STK32A: variants seen among roughly 807,000 people sequenced by gnomAD.
STK32A encodes the protein serine/threonine kinase 32A, also known as serine/threonine-protein kinase 32A.
In STK32A, 41 loss-of-function variants were observed where a neutral mutation model predicts 53.2. The observed-to-expected ratio is 0.77, with a 90% CI of 0.60 to 1.00. STK32A has a LOEUF of 1.00. STK32A is among the 50% of genes least tolerant of loss of function. The pLI, the probability that STK32A is intolerant of heterozygous loss-of-function variation, is 0.00. For missense variants in STK32A, 458 were observed against 485.8 expected, an observed-to-expected ratio of 0.94 and a Z score of 0.54; for synonymous variants, 166 against 162.8, an observed-to-expected ratio of 1.02 and a Z score of -0.15.
chr5:147,275,815 T>G (rs527609170), intron 2 of STK32A, among the ~76,000 whole-genome samples: 14 of 152,286 alleles, frequency 9.2e-5, no homozygotes, highest in Admixed American at 5.9e-4. Flanking sequence ...AGGTCACATT[T>G]AGTTAAAGCA....
downstream of STK32A, chr5:147,391,747 G>A (rs1362646640): frequency 1.3e-5 from 2 of 152,194 alleles, no homozygotes; most frequent in African/African-American, 4.8e-5. Context: ...TGGAGAGTTA[G>A]TAATGGTAAG....
chr5:147,237,592 G>C (rs1753376931), intron 1 of STK32A, among the ~76,000 whole-genome samples: 1 of 152,022 alleles, frequency 6.6e-6, no homozygotes, highest in Admixed American at 6.6e-5. Context: ...TAATTCCACT[G>C]AGCTTCCATC....
Position 147,278,707 on chromosome 5 carries a change from T to C in STK32A, c.108+528T>C, listed in dbSNP as rs572956613. On this transcript the variant is annotated intron_variant, in intron 3 of 12. Coordinates refer to ENST00000397936, the MANE Select transcript of STK32A (RefSeq NM_001112724.2). ...ATGGAGACATACTTTAAGAGAATAA[T>C]ATTTCATATAAAACTTGCATTTTAA... 3.9e-5 allele frequency among the ~76,000 whole-genome samples: 6 copies of C among 152,346 alleles called. No individual in the cohort carries two copies. The South Asian group carries it at 1.2e-3, about 32-fold the overall frequency.
At chr5:147,244,447 C>T (rs1183685341) in intron 2 of STK32A, among the ~76,000 whole-genome samples, 4 of 152,138 alleles carry the variant, frequency 2.6e-5, no homozygotes, top group African/African-American at 9.7e-5. Context: ...TCTGAGGAAC[C>T]ATCATACTGT....
At chr5:147,241,107 A>G (rs1753551839) in intron 2 of STK32A, among the ~76,000 whole-genome samples, 1 of 152,218 alleles carries the variant, frequency 6.6e-6, no homozygotes, top group East Asian at 1.9e-4. Context: ...GGAGTTTGTC[A>G]TGATTGGGGA....
intron 5 of STK32A, among the ~76,000 whole-genome samples, chr5:147,331,582 C>T (rs947751085): frequency 6.6e-6 from 1 of 152,110 alleles, no homozygotes; most frequent in Non-Finnish European, 1.5e-5. Flanking sequence ...ATTTGTGCTC[C>T]CTCAGAAAGA....
intron 11 of STK32A, among the ~76,000 whole-genome samples, chr5:147,378,958 G>A (rs889897492): frequency 1.4e-5 from 2 of 139,448 alleles, no homozygotes; most frequent in African/African-American, 2.6e-5. Flanking sequence ...TTCTAATTCT[G>A]TGAAGAATGC....
At chr5:147,293,561 TA>T (rs1180122350) in intron 4 of STK32A, among the ~76,000 whole-genome samples, 34 of 150,454 alleles carry the variant, frequency 2.3e-4, no homozygotes, top group African/African-American at 8.1e-4. Context: ...ATCAAAGGTT[TA>T]AAAAACTTAC....
chr5:147,363,211 G>C (rs1756590567), intron 8 of STK32A, among the ~76,000 whole-genome samples: 1 of 152,134 alleles, frequency 6.6e-6, no homozygotes, highest in African/African-American at 2.4e-5. Context: ...AAATGGGAAA[G>C]AAGGAAGGGG....
At chr5:147,275,287 T>C (rs1278298250) in intron 2 of STK32A, among the ~76,000 whole-genome samples, 1 of 152,156 alleles carries the variant, frequency 6.6e-6, no homozygotes, top group Non-Finnish European at 1.5e-5. Context: ...TGTTGAACAT[T>C]TAAAAAGGGA....
At chr5:147,355,792 GTATATA>G (rs140534042) in intron 7 of STK32A, among the ~76,000 whole-genome samples, 2 of 147,842 alleles carry the variant, frequency 1.4e-5, no homozygotes, top group African/African-American at 2.5e-5. Context: ...GTGTGTGTGT[GTATATA>G]TATATATATA....
At chr5:147,240,004 C>G (rs897648206) in intron 2 of STK32A, 1 of 268,680 alleles carries the variant, frequency 3.7e-6, no homozygotes, top group Non-Finnish European at 6.9e-6. Flanking sequence ...GAAGTTACCC[C>G]CATTGCTCAT....
intron 7 of STK32A, among the ~76,000 whole-genome samples, chr5:147,356,243 A>C (rs757718094): frequency 6.6e-6 from 1 of 152,172 alleles, no homozygotes; most frequent in Non-Finnish European, 1.5e-5. Context: ...GACAATGATG[A>C]AGGTAGAATG....
chr5:147,317,728 G>A (rs2151975222), intron 4 of STK32A, among the ~76,000 whole-genome samples: 1 of 152,240 alleles, frequency 6.6e-6, no homozygotes, highest in South Asian at 2.1e-4. Flanking sequence ...CAATGGCAGT[G>A]GGCGGGCTTT....
intron 11 of STK32A, among the ~76,000 whole-genome samples, chr5:147,380,657 G>A (rs1305064112): frequency 2.0e-5 from 3 of 152,178 alleles, no homozygotes; most frequent in African/African-American, 7.2e-5. Context: ...ATCAATAGAT[G>A]TTGAAAGCTG....
chr5:147,314,936 T>C (rs1337407613), intron 4 of STK32A, among the ~76,000 whole-genome samples: 3 of 151,874 alleles, frequency 2.0e-5, no homozygotes, highest in Non-Finnish European at 4.4e-5. Context: ...GTAGACACAG[T>C]GTCTCACTAT....
chr5:147,395,808 G>T, the STK32A span: 1 of 1,477,880 alleles, frequency 6.8e-7, no homozygotes. Flanking sequence ...AGTGAATACA[G>T]TGTGTGGTGG....
At chr5:147,302,858 G>A (rs1481718131) in intron 4 of STK32A, among the ~76,000 whole-genome samples, 4 of 152,028 alleles carry the variant, frequency 2.6e-5, no homozygotes, top group African/African-American at 9.7e-5. Flanking sequence ...TGTTTTATTA[G>A]AATGTTTCAT....
intron 2 of STK32A, among the ~76,000 whole-genome samples, chr5:147,240,441 T>C (rs980173997): frequency 5.3e-5 from 8 of 152,224 alleles, no homozygotes; most frequent in Admixed American, 1.3e-4. Flanking sequence ...CCCAGAGAGC[T>C]CTGCTAATTG....
Sources: allele counts gnomAD v4.1 joint callset (sites outside exome capture counted in the v4.1 genomes callset), GRCh38; gene constraint gnomAD v4.1.1; transcripts MANE v1.5; gene names NCBI Gene and HGNC (gene_info 2026-07-23, HGNC 2026-07-21).